ERBIN: variants seen among roughly 807,000 people sequenced by gnomAD.
The protein encoded by ERBIN is erbb2 interacting protein, also known as densin-180-like protein.
In ERBIN, 60 loss-of-function variants were observed where a neutral mutation model predicts 158.4. The ratio of observed to expected loss-of-function variants is 0.38; its 90% CI spans 0.31 to 0.47. The LOEUF is 0.47. Among genes scored for constraint, ERBIN ranks in the 20% least tolerant of loss-of-function variants. ERBIN has a pLI of 0.99. For missense variants in ERBIN, 1,610 were observed against 1,648.0 expected (o/e 0.98, Z 0.40); for synonymous variants, 594 against 557.2 (o/e 1.07, Z -0.93).
At chr5:65,983,795 C>G (rs148915616) in intron 1 of ERBIN, among the ~76,000 whole-genome samples, 69 of 152,304 alleles carry the variant, frequency 4.5e-4, no homozygotes, top group South Asian at 1.2e-3. Context: ...GGCACCCCCC[C>G]CAACTGTCTG....
intron 1 of ERBIN, among the ~76,000 whole-genome samples, chr5:65,952,133 G>A (rs954830597): frequency 6.6e-6 from 1 of 152,096 alleles, no homozygotes; most frequent in Non-Finnish European, 1.5e-5. Flanking sequence ...TGAAAAGTCA[G>A]AAAACACAGG....
chr5:66,012,807 C>CA (rs1422412941), intron 5 of ERBIN, among the ~76,000 whole-genome samples: 7 of 152,150 alleles, frequency 4.6e-5, no homozygotes, highest in African/African-American at 1.7e-4. Context: ...TCATAATCAA[C>CA]AAAAAATAGA....
chr5:66,059,388 A>G (rs1452799082), intron 21 of ERBIN, among the ~76,000 whole-genome samples: 2 of 152,118 alleles, frequency 1.3e-5, no homozygotes, highest in African/African-American at 2.4e-5. Flanking sequence ...CATTGATTTT[A>G]TATCCTGAGA....
rs1487664872 is a variant in ERBIN at position 66,050,313 on chromosome 5, C to T, written c.1904-470C>T. On this transcript the variant is annotated intron_variant, in intron 19 of 25. Coordinates refer to ENST00000284037, the MANE Select transcript of ERBIN (RefSeq NM_001253697.2). ...AGGCTGGAGTGCAGTGGCGGGATCT[C>T]GGCTCACTGCAAGCTCCGCCTCCCG... 8.6e-4 allele frequency among the ~76,000 whole-genome samples: 4 copies of T among 4,668 alleles called. 2 individuals carry two copies. Among genetic ancestry groups the T allele is most frequent in the Non-Finnish European group, 2.6e-3 (4 of 1,530 alleles). 3.1% of individuals were successfully genotyped at this position (4,668 alleles called of 152,430 possible).
At chr5:66,012,738 G>A (rs953360273) in intron 5 of ERBIN, among the ~76,000 whole-genome samples, 10 of 152,114 alleles carry the variant, frequency 6.6e-5, no homozygotes, top group Non-Finnish European at 1.2e-4. Flanking sequence ...TAAAGATTAT[G>A]TATAGCCTCT....
At chr5:65,947,383 CCACGCCTGGA>C (rs1745903366) in intron 1 of ERBIN, among the ~76,000 whole-genome samples, 1 of 152,106 alleles carries the variant, frequency 6.6e-6, no homozygotes, top group South Asian at 2.1e-4. Flanking sequence ...GCACATGCCA[CCACGCCTGGA>C]TAATTTTTGT....
In ERBIN at chr5:66,054,442, T is replaced by C. The variant is rs761594558; in HGVS notation, c.3124T>C (p.Tyr1042His). ...TAACAATGTTCGAGCTAATACTGCA[T>C]ACCATTTACATCAGAGACTTGGCCC... is the stretch of plus-strand genomic sequence containing the variant. The part of the protein sequence containing the change: ...NHNNVRANTA[Y>H]HLHQRLGPAR... The change falls in exon 21 of 26, where the codon TAC becomes CAC. Residue 1042 changes from tyrosine to histidine, a missense_variant. Tyr to His is a moderately conservative substitution (Grantham distance 83, BLOSUM62 2). Around this residue, in one of 2 missense-constraint regions of ERBIN, gnomAD observed 1,014 missense variants for 936.1 expected, o/e 1.08. Coordinates refer to ENST00000284037, the MANE Select transcript of ERBIN (RefSeq NM_001253697.2). 1.9e-6 allele frequency: 3 copies of C among 1,614,146 alleles called. No homozygotes were observed. The highest frequency in any genetic ancestry group is 2.5e-6 in the Non-Finnish European group (3 of 1,180,014).
chr5:66,057,912 A>G (rs1327464049), intron 21 of ERBIN, among the ~76,000 whole-genome samples: 2 of 139,644 alleles, frequency 1.4e-5, no homozygotes, highest in Non-Finnish European at 3.0e-5. Flanking sequence ...TAGTATTCAC[A>G]TTTTCTTAAT....
intron 1 of ERBIN, among the ~76,000 whole-genome samples, chr5:65,964,269 C>T (rs1214205922): frequency 2.0e-5 from 3 of 152,168 alleles, no homozygotes; most frequent in Admixed American, 6.5e-5. Context: ...CATAATTGAA[C>T]GTGTGTGTCA....
chr5:66,048,744 C>T lies in ERBIN; in HGVS notation c.1866C>T (p.Asn622=). ...MRPPLIETSI[N]QPKVVALSNN... is the part of the protein sequence containing the mutation. ...CACCATTAATTGAAACCTCTATTAACCAGCCAAAAGTCGTAGCACTTAGTA... is the reference window on the plus strand; with the variant it reads ...CACCATTAATTGAAACCTCTATTAATCAGCCAAAAGTCGTAGCACTTAGTA... Residue 622 remains asparagine, a synonymous_variant, in exon 19 of 26, where the codon AAC becomes AAT. Transcript: ENST00000284037. 1 of 1,606,764 alleles carries T rather than the reference C, an allele frequency of 6.2e-7. No individual in the cohort carries two copies. Among genetic ancestry groups the T allele is most frequent in the South Asian group, 1.1e-5 (1 of 89,316 alleles).
intron 18 of ERBIN, among the ~76,000 whole-genome samples, chr5:66,047,945 A>G (rs1758609301): frequency 6.6e-6 from 1 of 151,978 alleles, no homozygotes; most frequent in African/African-American, 2.4e-5. Flanking sequence ...AATTAAGGAT[A>G]GACTGTGCTA....
chr5:66,038,684 T>A (rs1345261146), intron 15 of ERBIN, among the ~76,000 whole-genome samples: 1 of 152,082 alleles, frequency 6.6e-6, no homozygotes, highest in East Asian at 1.9e-4. Context: ...TATGCTTCCT[T>A]AAATGATTCC....
intron 21 of ERBIN, chr5:66,068,927 T>C (rs1388823066): frequency 6.5e-7 from 1 of 1,535,902 alleles, no homozygotes; most frequent in Admixed American, 2.0e-5. Flanking sequence ...TAAGCAGTTT[T>C]CACTGTGGCA....
In ERBIN at chr5:66,075,231, G is replaced by T. The variant is rs531258959; in HGVS notation, c.3963+1G>T. ...AGGCCATGAACTGGCAAAACAAGAG[G>T]TAAGAATAATCAAGACTATTTGAAA... is the stretch of plus-strand genomic sequence containing the variant. On this transcript the variant is annotated splice_donor_variant, in intron 23 of 25. Coordinates refer to ENST00000284037, the MANE Select transcript of ERBIN (RefSeq NM_001253697.2). LOFTEE classifies it high-confidence loss of function. 1 of 1,612,194 alleles carries T rather than the reference G, an allele frequency of 6.2e-7. No homozygotes were observed. Among genetic ancestry groups the T allele is most frequent in the Non-Finnish European group, 8.5e-7 (1 of 1,178,380 alleles).
intron 16 of ERBIN, among the ~76,000 whole-genome samples, chr5:66,043,436 T>G (rs1758112624): frequency 6.6e-6 from 1 of 152,174 alleles, no homozygotes; most frequent in Admixed American, 6.5e-5. Flanking sequence ...AGGAAAACGT[T>G]ATTATAGGCT....
intron 20 of ERBIN, 98 bp from the exon 21 acceptor site, chr5:66,053,308 T>A: frequency 4.4e-6 from 3 of 675,282 alleles, no homozygotes; most frequent in Non-Finnish European, 6.9e-6. Flanking sequence ...TTATTAACTT[T>A]TTTAACTTGT....
intron 23 of ERBIN, among the ~76,000 whole-genome samples, chr5:66,075,929 T>C (rs540172098): frequency 3.5e-4 from 54 of 152,290 alleles, no homozygotes; most frequent in African/African-American, 1.3e-3. Context: ...AACAAGCCAC[T>C]AAACAGAGAT....
At position 66,078,766 on chromosome 5, in the gene ERBIN, A is replaced by C. The variant is rs1045872648; in HGVS notation, c.*236A>C. 2.2e-5 allele frequency: 10 copies of C among 449,584 alleles called. No homozygotes were observed. The highest frequency in any genetic ancestry group is 1.3e-4 in the African/African-American group (6 of 47,904). 27.8% of individuals were successfully genotyped at this position (449,584 alleles called of 1,614,324 possible). A position where few individuals can be genotyped will look rare whatever the true frequency, so the allele number is the denominator to read the frequency against. ...AACTTGTTAGGTTTTTAAACATAGCAATCAAGGCTACAAAAACAAACCTGT... is the reference window on the plus strand; with the variant it reads ...AACTTGTTAGGTTTTTAAACATAGCCATCAAGGCTACAAAAACAAACCTGT... On this transcript the variant is annotated 3_prime_UTR_variant, in exon 26 of 26. Coordinates refer to ENST00000284037, the MANE Select transcript of ERBIN (RefSeq NM_001253697.2).
chr5:65,940,477 C>T (rs1294234300), intron 1 of ERBIN, among the ~76,000 whole-genome samples: 1 of 58,982 alleles, frequency 1.7e-5, no homozygotes, highest in Non-Finnish European at 3.0e-5. Context: ...GGGGGTCAGT[C>T]CCCCCCCCCC....
Sources: gnomAD v4.1 joint callset for allele counts (sites outside exome capture counted in the v4.1 genomes callset) on GRCh38, gnomAD v4.1.1 for gene constraint, gnomAD v4.1.1 regional missense constraint, MANE v1.5 for transcripts, NCBI Gene and HGNC (gene_info 2026-07-23, HGNC 2026-07-21) for gene names.